ACOT12: variants seen among roughly 807,000 people sequenced by gnomAD.
ACOT12 encodes acyl-CoA thioesterase 12, also known as acetyl-coenzyme A thioesterase.
A neutral mutation model predicts 67.7 loss-of-function variants in ACOT12; 51 were observed. The ratio of observed to expected loss-of-function variants is 0.75; its 90% CI spans 0.60 to 0.95. The LOEUF (loss-of-function observed/expected upper bound fraction) is 0.95, where lower values mean the gene tolerates loss of function less well. Among genes scored for constraint, ACOT12 ranks in the 40% least tolerant of loss-of-function variants. The pLI is 0.00. For missense variants in ACOT12, 734 were observed against 708.1 expected, an observed-to-expected ratio of 1.04 and a Z score of -0.41; for synonymous variants, 251 against 244.6, an observed-to-expected ratio of 1.03 and a Z score of -0.24.
At chr5:81,319,431 T>C in the ACOT12 span, among the ~76,000 whole-genome samples, 1 of 152,180 alleles carries the variant, frequency 6.6e-6, no homozygotes, top group Non-Finnish European at 1.5e-5. Context: ...AAGAAATCCA[T>C]ACCAAGCTGG....
intron 6 of ACOT12, 29 bp downstream of exon 6, chr5:81,347,745 A>G (rs1759423446): frequency 6.2e-7 from 1 of 1,608,638 alleles, no homozygotes; most frequent in Non-Finnish European, 8.5e-7. Flanking sequence ...TGGTCCCAAA[A>G]TCATAGGCCG....
At chr5:81,370,558 G>A (rs969475031) in intron 3 of ACOT12, among the ~76,000 whole-genome samples, 1 of 152,184 alleles carries the variant, frequency 6.6e-6, no homozygotes, top group Non-Finnish European at 1.5e-5. Context: ...CACACAAGGA[G>A]AACACGTGAA....
the ACOT12 span, chr5:81,309,263 T>G: frequency 2.6e-6 from 1 of 388,708 alleles, no homozygotes; most frequent in Non-Finnish European, 4.6e-6. Context: ...TATTTCCAAC[T>G]GTGCTTGCTT....
chr5:81,361,284 C>A (rs960130790), intron 4 of ACOT12, among the ~76,000 whole-genome samples: 4 of 151,360 alleles, frequency 2.6e-5, no homozygotes, highest in African/African-American at 7.3e-5. Context: ...GTAATCATAG[C>A]TTCCTGTAAC....
At chr5:81,392,973 C>T (rs1453388566) in intron 1 of ACOT12, among the ~76,000 whole-genome samples, 1 of 152,194 alleles carries the variant, frequency 6.6e-6, no homozygotes, top group East Asian at 1.9e-4. Flanking sequence ...ACTCTTATGA[C>T]CTCATTAGCC....
intron 3 of ACOT12, among the ~76,000 whole-genome samples, chr5:81,366,933 A>T (rs1330466025): frequency 6.6e-6 from 1 of 152,164 alleles, no homozygotes; most frequent in Non-Finnish European, 1.5e-5. Flanking sequence ...AAAACTCTAT[A>T]AAGTCCAAAA....
intron 11 of ACOT12, among the ~76,000 whole-genome samples, chr5:81,336,429 A>G (rs1214809477): frequency 1.3e-5 from 2 of 152,170 alleles, no homozygotes; most frequent in Admixed American, 6.5e-5. Context: ...CTGGAGCACC[A>G]TATTTCCTCA....
chr5:81,316,929 G>A, the ACOT12 span, among the ~76,000 whole-genome samples: 9 of 152,048 alleles, frequency 5.9e-5, no homozygotes, highest in Admixed American at 4.6e-4. Flanking sequence ...GAATTGAAAC[G>A]GCTTTATTTA....
the ACOT12 span, among the ~76,000 whole-genome samples, chr5:81,309,630 C>G: frequency 6.6e-6 from 1 of 152,080 alleles, no homozygotes; most frequent in Non-Finnish European, 1.5e-5. Context: ...TGTGTCATGT[C>G]CTGGGTTTCC....
rs551555603 is a variant in ACOT12, at chr5:81,385,283, A to AAAAT, written c.197+470_197+473dup. ...ACAAGATGATGAAACCCCATCTCTA[A>AAAAT]AAATAAATAAATAAATAAATACAAA... On this transcript the variant is annotated intron_variant, in intron 2 of 14. Coordinates refer to ENST00000307624, the MANE Select transcript of ACOT12 (RefSeq NM_130767.3). 6.1e-4 allele frequency among the ~76,000 whole-genome samples: 93 copies of AAAAT among 152,074 alleles called. No homozygotes were observed. In the East Asian group the frequency reaches 8.7e-3, roughly 14 times the overall value.
intron 2 of ACOT12, among the ~76,000 whole-genome samples, chr5:81,375,407 T>C (rs1760381689): frequency 6.6e-6 from 1 of 152,104 alleles, no homozygotes; most frequent in African/African-American, 2.4e-5. Flanking sequence ...GTAAAGACCA[T>C]TGACACTATG....
chr5:81,350,020 T>C (rs372537565), intron 5 of ACOT12, among the ~76,000 whole-genome samples: 1 of 152,238 alleles, frequency 6.6e-6, no homozygotes, highest in Non-Finnish European at 1.5e-5. Context: ...AACATCTTTT[T>C]ACATGTATAT....
Position 81,394,073 on chromosome 5 carries a change from G to A in ACOT12, c.42C>T (p.Ala14=). ...PAPGEVVMSQ[A]IQPAHATARG... is the part of the protein sequence containing the mutation. The stretch of plus-strand genomic sequence containing the variant: ...GCGCAGTGGCGTGCGCCGGCTGGAT[G>A]GCTTGGCTCATGACCACCTCGCCGG... The change falls in exon 1 of 15, where the codon GCC becomes GCT. Residue 14 remains alanine, a synonymous_variant. Coordinates refer to ENST00000307624, the MANE Select transcript of ACOT12 (RefSeq NM_130767.3). 1 of 1,472,474 alleles carries A rather than the reference G, an allele frequency of 6.8e-7. No homozygotes were observed. The highest frequency in any genetic ancestry group is 8.9e-7 in the Non-Finnish European group (1 of 1,118,634). The allele number at this position is 1,472,474 out of a possible 1,614,324, so 91.2% of individuals were successfully genotyped here.
intron 4 of ACOT12, among the ~76,000 whole-genome samples, chr5:81,362,084 T>C (rs907534584): frequency 6.6e-6 from 1 of 152,078 alleles, no homozygotes; most frequent in Non-Finnish European, 1.5e-5. Flanking sequence ...GTTAGCACCA[T>C]AATGGATCTG....
At chr5:81,362,429 T>G (rs899712273) in intron 4 of ACOT12, among the ~76,000 whole-genome samples, 6 of 152,060 alleles carry the variant, frequency 3.9e-5, no homozygotes, top group Non-Finnish European at 8.8e-5. Context: ...GCCTCCCAAA[T>G]TGCTGGGATT....
At chr5:81,353,712 A>T (rs2153852274) in intron 5 of ACOT12, among the ~76,000 whole-genome samples, 1 of 152,366 alleles carries the variant, frequency 6.6e-6, no homozygotes, top group East Asian at 1.9e-4. Context: ...TCCTGCTTTT[A>T]CAAAACTAAT....
intron 1 of ACOT12, among the ~76,000 whole-genome samples, chr5:81,388,886 A>G (rs1760796985): frequency 6.6e-6 from 1 of 152,156 alleles, no homozygotes; most frequent in African/African-American, 2.4e-5. Flanking sequence ...TATAAGGGGA[A>G]ACCCCTTGTG....
intron 3 of ACOT12, among the ~76,000 whole-genome samples, chr5:81,369,842 T>A (rs1375835217): frequency 2.0e-5 from 3 of 152,242 alleles, no homozygotes; most frequent in Admixed American, 2.0e-4. Flanking sequence ...GCCCAGAGGC[T>A]CCTGTGTGCA....
At position 81,330,537 on chromosome 5, in the gene ACOT12, A is replaced by G; in HGVS notation, c.1525T>C (p.Tyr509His). 1 of 1,611,630 alleles carries G rather than the reference A, an allele frequency of 6.2e-7. No homozygotes were observed. Among genetic ancestry groups the G allele is most frequent in the Non-Finnish European group, 8.5e-7 (1 of 1,179,386 alleles). Residue 509 changes from tyrosine (Y) to histidine (H), a missense_variant, in exon 15 of 15, where the codon TAC (tyrosine) becomes CAC (histidine). Tyr to His is a moderately conservative substitution (Grantham distance 83). Coordinates refer to ENST00000307624, the MANE Select transcript of ACOT12 (RefSeq NM_130767.3). ...AIDSNSCIVSYFNHMSASILP... is the reference protein window; with the variant it reads ...AIDSNSCIVSHFNHMSASILP... ...ATGCTAGCAGACATATGGTTAAAGTAAGATACCTGTTTCAAAAAGAAAGTA... is the reference window on the plus strand; with the variant it reads ...ATGCTAGCAGACATATGGTTAAAGTGAGATACCTGTTTCAAAAAGAAAGTA...
Sources: allele counts gnomAD v4.1 joint callset (sites outside exome capture counted in the v4.1 genomes callset), GRCh38; gene constraint gnomAD v4.1.1; transcripts MANE v1.5; gene names NCBI Gene and HGNC (gene_info 2026-07-23, HGNC 2026-07-21).